Variants in RAB6B observed in about 807,000 individuals in gnomAD.
RAB6B encodes RAB6B, member RAS oncogene family.
RAB6B carries 7 observed loss-of-function variants against 31.2 expected under a neutral mutation model. That is an observed-to-expected ratio of 0.22 (90% confidence interval 0.13 to 0.42). The LOEUF is 0.42. Ranked by LOEUF, RAB6B falls within the 10% of genes least tolerant of loss-of-function variation. The pLI is 1.00. For missense variants in RAB6B, 149 were observed against 280.6 expected, an observed-to-expected ratio of 0.53 and a Z score of 3.35; for synonymous variants, 105 against 104.9, an observed-to-expected ratio of 1.00 and a Z score of -0.01.
At chr3:133,879,560 A>G (rs1048739436) in intron 1 of RAB6B, among the ~76,000 whole-genome samples, 1 of 152,212 alleles carries the variant, frequency 6.6e-6, no homozygotes, top group African/African-American at 2.4e-5. Flanking sequence ...ATACACACAC[A>G]TGCTCAACTC....
intron 1 of RAB6B, among the ~76,000 whole-genome samples, chr3:133,871,770 C>A (rs1160461012): frequency 6.6e-6 from 1 of 152,238 alleles, no homozygotes; most frequent in African/African-American, 2.4e-5. Context: ...TTTGCCAGGA[C>A]CTGGCAGAAG....
chr3:133,879,702 T>A (rs1159681995), intron 1 of RAB6B, among the ~76,000 whole-genome samples: 18 of 152,212 alleles, frequency 1.2e-4, no homozygotes, highest in Non-Finnish European at 2.2e-4. Flanking sequence ...AAACAGCTTG[T>A]GTAGACTGCA....
intron 1 of RAB6B, among the ~76,000 whole-genome samples, chr3:133,892,148 C>T (rs1473727405): frequency 6.6e-6 from 1 of 152,160 alleles, no homozygotes; most frequent in African/African-American, 2.4e-5. Flanking sequence ...TCAAATGCCC[C>T]AGTCGGGACT....
chr3:133,850,884 G>C (rs1257781564), intron 2 of RAB6B, among the ~76,000 whole-genome samples: 1 of 151,458 alleles, frequency 6.6e-6, no homozygotes, highest in Non-Finnish European at 1.5e-5. Context: ...AAAAATCAAA[G>C]ATAAAGAAAA....
intron 1 of RAB6B, among the ~76,000 whole-genome samples, chr3:133,882,536 C>T (rs1021551225): frequency 2.0e-5 from 3 of 152,210 alleles, no homozygotes; most frequent in Non-Finnish European, 4.4e-5. Context: ...CCGGGCTGAT[C>T]ACCTGGAACA....
At chr3:133,882,560 C>G (rs1399388073) in intron 1 of RAB6B, among the ~76,000 whole-genome samples, 1 of 152,240 alleles carries the variant, frequency 6.6e-6, no homozygotes, top group Non-Finnish European at 1.5e-5. Flanking sequence ...CCTCACAGGT[C>G]TCTGCCTTGA....
chr3:133,825,913 C>T lies in RAB6B; in HGVS notation c.*2875G>A, dbSNP rs945340652. 1.3e-5 allele frequency: 2 copies of T among 152,238 alleles called. No individual in the cohort carries two copies. The highest frequency in any genetic ancestry group is 2.9e-5 in the Non-Finnish European group (2 of 68,050). The allele number at this position is 152,238 out of a possible 1,614,324, so 9.4% of individuals were successfully genotyped here. A position where few individuals can be genotyped will look rare whatever the true frequency, so the allele number is the denominator to read the frequency against. ...AACCCATCTGGATTCAGCAAAGATGCAATGCTCTTGCTGGGGTGCTGAGGC... is the reference window on the plus strand; with the variant it reads ...AACCCATCTGGATTCAGCAAAGATGTAATGCTCTTGCTGGGGTGCTGAGGC... On this transcript the variant is annotated 3_prime_UTR_variant, in exon 8 of 8. Transcript: ENST00000285208.
At chr3:133,892,797 T>G (rs1936654701) in intron 1 of RAB6B, among the ~76,000 whole-genome samples, 2 of 152,264 alleles carry the variant, frequency 1.3e-5, no homozygotes, top group Middle Eastern at 6.8e-3. Flanking sequence ...GGGCCAGCCC[T>G]CAGGTGGCTC....
At chr3:133,860,090 C>T (rs1936138270) in intron 2 of RAB6B, among the ~76,000 whole-genome samples, 1 of 152,016 alleles carries the variant, frequency 6.6e-6, no homozygotes. Context: ...GAGGAATAGG[C>T]CAGAAGGTCC....
At chr3:133,836,295 T>C (rs187048629) in intron 6 of RAB6B, among the ~76,000 whole-genome samples, 10 of 152,312 alleles carry the variant, frequency 6.6e-5, no homozygotes, top group African/African-American at 2.2e-4. Flanking sequence ...CTTTCCTTCA[T>C]GGCATTGGCC....
intron 1 of RAB6B, among the ~76,000 whole-genome samples, chr3:133,878,074 A>G (rs1936420256): frequency 6.6e-6 from 1 of 152,154 alleles, no homozygotes; most frequent in Non-Finnish European, 1.5e-5. Context: ...AAGTGGTCTA[A>G]CATCCATGTA....
intron 2 of RAB6B, among the ~76,000 whole-genome samples, chr3:133,849,411 A>G (rs992282702): frequency 3.9e-5 from 6 of 152,224 alleles, no homozygotes; most frequent in African/African-American, 1.4e-4. Context: ...AAGCCCTCAG[A>G]TAACTCATTT....
intron 2 of RAB6B, among the ~76,000 whole-genome samples, chr3:133,846,242 T>A (rs1012443185): frequency 2.0e-5 from 3 of 151,996 alleles, no homozygotes; most frequent in Admixed American, 6.6e-5. Context: ...AGGTCAGGAG[T>A]TTGAGACCAG....
At chr3:133,849,534 T>C (rs148474895) in intron 2 of RAB6B, among the ~76,000 whole-genome samples, 3 of 152,342 alleles carry the variant, frequency 2.0e-5, no homozygotes, top group Non-Finnish European at 2.9e-5. Context: ...GAGATGCTTA[T>C]GCATGAGAAG....
chr3:133,857,428 A>G (rs1279052039), intron 2 of RAB6B, among the ~76,000 whole-genome samples: 9 of 22,794 alleles, frequency 3.9e-4, no homozygotes, highest in African/African-American at 1.5e-3. Context: ...TTTGAAGGGA[A>G]AAAAAAAAAA....
At chr3:133,876,312 G>A (rs1414889096) in intron 1 of RAB6B, among the ~76,000 whole-genome samples, 1 of 152,128 alleles carries the variant, frequency 6.6e-6, no homozygotes, top group African/African-American at 2.4e-5. Flanking sequence ...TAGGAGCTGT[G>A]TCTCCCCCGG....
chr3:133,875,848 G>A (rs1316736520), intron 1 of RAB6B, among the ~76,000 whole-genome samples: 1 of 152,136 alleles, frequency 6.6e-6, no homozygotes, highest in Non-Finnish European at 1.5e-5. Context: ...CCTAAGAAAC[G>A]CTGGTGCCAA....
In RAB6B at chr3:133,884,934, T is replaced by TG. The variant is rs745461565; in HGVS notation, c.70+10462dup. Among the ~76,000 whole-genome samples the TG allele has an allele frequency of 9.3e-4, 28 of 30,046 alleles. 1 individual carries two copies. The highest frequency in any genetic ancestry group is 0.021 in the Middle Eastern group (1 of 48). 19.7% of individuals were successfully genotyped at this position (30,046 alleles called of 152,430 possible). A position where few individuals can be genotyped will look rare whatever the true frequency, so the allele number is the denominator to read the frequency against. ...CTTATATATCCCAATAACCAGAGGA[T>TG]GGGGGGCTCACACACCAATGATGAG... is the stretch of plus-strand genomic sequence containing the variant. On this transcript the variant is annotated intron_variant, in intron 1 of 7. Transcript: ENST00000285208.
intron 2 of RAB6B, among the ~76,000 whole-genome samples, chr3:133,860,064 C>T (rs578056854): frequency 2.0e-5 from 3 of 152,112 alleles, no homozygotes; most frequent in East Asian, 3.9e-4. Flanking sequence ...CTGGGGGGTG[C>T]GGAGGTGCCC....
Sources: allele counts gnomAD v4.1 joint callset (sites outside exome capture counted in the v4.1 genomes callset), GRCh38; gene constraint gnomAD v4.1.1; transcripts MANE v1.5; gene names NCBI Gene and HGNC (gene_info 2026-07-23, HGNC 2026-07-21).